SNRPN: variants seen among roughly 807,000 people sequenced by gnomAD.
SNRPN encodes small nuclear ribonucleoprotein-associated protein N.
Under a neutral mutation model 25.2 loss-of-function variants are expected in SNRPN, and 7 were observed. That is an observed-to-expected ratio of 0.28 (90% CI 0.16 to 0.52). SNRPN has a LOEUF of 0.52. Ranked by LOEUF, SNRPN falls within the 20% of genes least tolerant of loss-of-function variation. The pLI, the probability that SNRPN is intolerant of heterozygous loss-of-function variation, is 0.96. For synonymous variants in SNRPN, 124 were observed against 110.6 expected, an observed-to-expected ratio of 1.12 and a Z score of -0.76; for missense variants, 196 against 322.5, an observed-to-expected ratio of 0.61 and a Z score of 3.00.
At chr15:24,961,726 T>A (rs535880510) in intron 1 of SNRPN, among the ~76,000 whole-genome samples, 29 of 152,346 alleles carry the variant, frequency 1.9e-4, no homozygotes, top group African/African-American at 6.7e-4. Context: ...TAAAAATATT[T>A]TTTGAAACCA....
At chr15:24,961,707 A>G (rs2074850848) in intron 1 of SNRPN, among the ~76,000 whole-genome samples, 1 of 152,092 alleles carries the variant, frequency 6.6e-6, no homozygotes. Flanking sequence ...AAGTATGTCT[A>G]CTGTATCCTA....
At chr15:24,969,785 A>C (rs1253833254) in intron 3 of SNRPN, among the ~76,000 whole-genome samples, 1 of 152,198 alleles carries the variant, frequency 6.6e-6, no homozygotes, top group Non-Finnish European at 1.5e-5. Context: ...CATTACTAGT[A>C]TTCCTGTAGA....
intron 2 of SNRPN, chr15:24,849,388 G>A (rs1020407761): frequency 6.6e-6 from 1 of 152,214 alleles, no homozygotes; most frequent in Non-Finnish European, 1.5e-5. Context: ...AAGAAGAAAG[G>A]TCTACTAAAG....
intron 2 of SNRPN, among the ~76,000 whole-genome samples, chr15:24,964,037 G>GA (rs577352737): frequency 1.3e-5 from 2 of 149,812 alleles, no homozygotes; most frequent in South Asian, 2.1e-4. Context: ...GTCTCAAAAA[G>GA]AAAAAAAAAG....
At chr15:24,898,426 A>C (rs141826169) in intron 2 of SNRPN, among the ~76,000 whole-genome samples, 1,842 of 152,190 alleles carry the variant, frequency 0.012, 17 homozygotes, top group Non-Finnish European at 0.018. Flanking sequence ...CGTCTCTACT[A>C]AAAATACAAA....
chr15:24,978,035 T>C lies in SNRPN; in HGVS notation c.559+119T>C. 4.9e-6 allele frequency: 6 copies of C among 1,212,176 alleles called. No individual in the cohort carries two copies. In the South Asian group the frequency reaches 7.3e-5, roughly 15 times the overall value. 75.1% of individuals were successfully genotyped at this position (1,212,176 alleles called of 1,614,324 possible). On this transcript the variant is annotated intron_variant, in intron 8 of 9. Transcript: ENST00000390687. The stretch of plus-strand genomic sequence containing the variant: ...GAATATGCTTCCTTCTTCTAGATAC[T>C]GGTTTTTAATGAAAGACATAGAAGA...
intron 2 of SNRPN, among the ~76,000 whole-genome samples, chr15:24,847,747 T>C (rs886634499): frequency 1.3e-5 from 2 of 152,212 alleles, no homozygotes; most frequent in Non-Finnish European, 2.9e-5. Flanking sequence ...TCCTGTCATT[T>C]AACGCAAGGG....
chr15:24,967,420 A>G (rs1393250928), intron 2 of SNRPN, among the ~76,000 whole-genome samples: 1 of 152,000 alleles, frequency 6.6e-6, no homozygotes, highest in Non-Finnish European at 1.5e-5. Flanking sequence ...TGGGTGGATC[A>G]CCTGAGGTCA....
At chr15:24,965,796 A>G (rs143936098) in intron 2 of SNRPN, among the ~76,000 whole-genome samples, 105 of 152,184 alleles carry the variant, frequency 6.9e-4, no homozygotes, top group African/African-American at 2.3e-3. Context: ...TTAATCTTCT[A>G]TTGGGTTACA....
At chr15:24,935,821 AG>A (rs1414878665) in intron 3 of SNRPN, among the ~76,000 whole-genome samples, 4 of 152,164 alleles carry the variant, frequency 2.6e-5, no homozygotes, top group African/African-American at 4.8e-5. Flanking sequence ...CAGACAGAGA[AG>A]AATTAAAAAT....
At chr15:24,911,591 A>G (rs2059221127) in intron 2 of SNRPN, among the ~76,000 whole-genome samples, 2 of 152,124 alleles carry the variant, frequency 1.3e-5, no homozygotes. Context: ...CCTCCAGAAA[A>G]CACAAGTAGT....
intron 3 of SNRPN, among the ~76,000 whole-genome samples, chr15:24,937,257 A>C (rs2152976993): frequency 6.6e-6 from 1 of 152,284 alleles, no homozygotes; most frequent in African/African-American, 2.4e-5. Context: ...CAAACAAACA[A>C]AAAAATCAAA....
upstream of SNRPN, among the ~76,000 whole-genome samples, chr15:24,854,999 G>A (rs926363084): frequency 7.6e-5 from 4 of 52,490 alleles, no homozygotes; most frequent in Non-Finnish European, 1.6e-4. Context: ...GCGAGACTCC[G>A]TCTCAAAAAA....
chr15:24,876,210 C>T lies in SNRPN; in HGVS notation c.-578-10306C>T, dbSNP rs569901532. On this transcript the variant is annotated intron_variant, in intron 1 of 11. Coordinates refer to the SNRPN transcript ENST00000400097. ...GACTAATGTCTTTATCACTTGTGTA[C>T]ATTTTTTTTCCTTTGGCCACATAAG... 5.9e-5 allele frequency among the ~76,000 whole-genome samples: 9 copies of T among 152,120 alleles called. No homozygotes were observed. In the South Asian group the frequency reaches 1.9e-3, roughly 32 times the overall value.
chr15:24,921,825 C>T (rs2060036699), intron 3 of SNRPN, among the ~76,000 whole-genome samples: 1 of 152,116 alleles, frequency 6.6e-6, no homozygotes, highest in Admixed American at 6.6e-5. Context: ...CAGTATTAGT[C>T]ACTATCAGTT....
At chr15:24,951,067 T>A (rs1034040200), upstream of SNRPN, among the ~76,000 whole-genome samples, 6 of 151,914 alleles carry the variant, frequency 3.9e-5, no homozygotes, top group Admixed American at 3.9e-4. Flanking sequence ...ACCATGTTGG[T>A]CAGGCTGATC....
chr15:24,947,173 G>A (rs1006392444), intron 3 of SNRPN, among the ~76,000 whole-genome samples: 4 of 152,024 alleles, frequency 2.6e-5, no homozygotes, highest in African/African-American at 9.7e-5. Context: ...AAATATTTTA[G>A]TGTGTATAAT....
chr15:24,974,943 A>G lies in SNRPN; in HGVS notation c.4-415A>G, dbSNP rs1022175223. ...CCAGTGGTGAAGGACTGTCCTGCAG[A>G]TGATGGACTCTCAGGTCAGATTACA... On this transcript the variant is annotated intron_variant, in intron 4 of 9. Coordinates refer to ENST00000390687, the MANE Select transcript of SNRPN (RefSeq NM_003097.6). The G allele has an allele frequency of 1.1e-5, 8 of 702,914 alleles. No individual in the cohort carries two copies. The African/African-American group carries it at 1.2e-4, about 11-fold the overall frequency. The allele number at this position is 702,914 out of a possible 1,614,324, so 43.5% of individuals were successfully genotyped here.
At chr15:24,968,136 G>T in intron 3 of SNRPN, 54 bp downstream of exon 3, 3 of 1,044,892 alleles carry the variant, frequency 2.9e-6, no homozygotes, top group African/African-American at 3.1e-5. Context: ...AGAATGGGGT[G>T]TTGGGGGTTC....
Sources: allele counts gnomAD v4.1 joint callset (sites outside exome capture counted in the v4.1 genomes callset), GRCh38; gene constraint gnomAD v4.1.1; transcripts MANE v1.5; gene names NCBI Gene and HGNC (gene_info 2026-07-23, HGNC 2026-07-21).